Variants in SLC25A1 observed in about 807,000 individuals in gnomAD.
SLC25A1 encodes tricarboxylate transport protein, mitochondrial.
In SLC25A1, 26 loss-of-function variants were observed where a neutral mutation model predicts 38.1. The observed-to-expected ratio is 0.68, with a 90% CI of 0.50 to 0.95. The LOEUF (loss-of-function observed/expected upper bound fraction) is 0.95, where lower values mean the gene tolerates loss of function less well. SLC25A1 is among the 40% of genes least tolerant of loss of function. The pLI is 0.00. For missense variants in SLC25A1, 378 were observed against 426.6 expected (o/e 0.89, Z 1.00); for synonymous variants, 211 against 183.2 (o/e 1.15, Z -1.23).
Position 19,176,694 on chromosome 22 carries a change from C to T in SLC25A1, c.632-1G>A, listed in dbSNP as rs2083966197. The T allele has an allele frequency of 1.2e-6, 2 of 1,613,296 alleles. No homozygotes were observed. The highest frequency in any genetic ancestry group is 8.5e-7 in the Non-Finnish European group (1 of 1,179,514). On this transcript the variant is annotated splice_acceptor_variant, in intron 6 of 8. Transcript: ENST00000215882. LOFTEE classifies it high-confidence loss of function. ...TTCATGGGCTTGTTGGGGTTGTCCC[C>T]TGGATATAGGAGGGGTGAGGTGGGT...
rs3213491 is a variant in SLC25A1, at chr22:19,177,322, A to C, written c.442-118T>G. ...AACTGGGAACTCTTCCCCAGGAAGC[A>C]GTGCAGCCAAGGCCGCCCTGGGCTG... is the stretch of plus-strand genomic sequence containing the variant. On this transcript the variant is annotated intron_variant, in intron 4 of 8. Coordinates refer to ENST00000215882, the MANE Select transcript of SLC25A1 (RefSeq NM_005984.5). 0.096 allele frequency: 79,351 copies of C among 830,676 alleles called. 8,519 individuals are homozygous for C. Among genetic ancestry groups the C allele is most frequent in the East Asian group, 0.46 (17,333 of 37,330 alleles). 51.5% of individuals were successfully genotyped at this position (830,676 alleles called of 1,614,324 possible).
rs781789414 is a variant in SLC25A1 at position 19,177,968 on chromosome 22, G to A, written c.276C>T (p.Tyr92=). 6.2e-7 allele frequency: 1 copy of A among 1,603,886 alleles called. No homozygotes were observed. The highest frequency in any genetic ancestry group is 8.5e-7 in the Non-Finnish European group (1 of 1,176,990). ...GLYRGLSSLL[Y]GSIPKAAVRF... ...TGACGGCCGCCTTGGGGATGGAACC[G>A]TAGAGCAGGGAGCTAAGGCCGCGGT... is the stretch of plus-strand genomic sequence containing the variant. Residue 92 remains tyrosine, a synonymous_variant, in exon 3 of 9, where the codon TAC becomes TAT. Coordinates refer to ENST00000215882, the MANE Select transcript of SLC25A1 (RefSeq NM_005984.5).
In SLC25A1 at chr22:19,178,623, G is replaced by C. The variant is rs1261186846; in HGVS notation, c.51C>G (p.Ser17=). ...PRALAAAAPA[S]GKAKLTHPGK... ...CCGGGTGCGTCAGCTTGGCCTTCCCGGACGCGGGCGCGGCGGCCGCCAGAG... is the reference window on the plus strand; with the variant it reads ...CCGGGTGCGTCAGCTTGGCCTTCCCCGACGCGGGCGCGGCGGCCGCCAGAG... The change falls in exon 1 of 9, where the codon TCC becomes TCG. Residue 17 remains serine, a synonymous_variant. Transcript: ENST00000215882. The surrounding 1 kb of genome is among the most constrained non-coding windows in gnomAD (Gnocchi z 4.9). The C allele has an allele frequency of 8.3e-7, 1 of 1,197,828 alleles. No homozygotes were observed. Among genetic ancestry groups the C allele is most frequent in the Admixed American group, 4.5e-5 (1 of 22,398 alleles). 74.2% of individuals were successfully genotyped at this position (1,197,828 alleles called of 1,614,324 possible). A position where few individuals can be genotyped will look rare whatever the true frequency, so the allele number is the denominator to read the frequency against.
chr22:19,177,108 C>G lies in SLC25A1; in HGVS notation c.526+12G>C, dbSNP rs781949087. 2 of 1,613,346 alleles carry G rather than the reference C, an allele frequency of 1.2e-6. No individual in the cohort carries two copies. Among genetic ancestry groups the G allele is most frequent in the African/African-American group, 2.7e-5 (2 of 75,036 alleles). On this transcript the variant is annotated intron_variant, in intron 5 of 8. Coordinates refer to ENST00000215882, the MANE Select transcript of SLC25A1 (RefSeq NM_005984.5). ...GGTCCCTGAGCCCTATCAGGAAGGT[C>G]GAGTGGCTCACCTTGTTCCCGCACA... is the stretch of plus-strand genomic sequence containing the variant.
intron 8 of SLC25A1, 77 bp downstream of exon 8, chr22:19,176,344 G>T: frequency 1.9e-6 from 3 of 1,564,906 alleles, no homozygotes; most frequent in Non-Finnish European, 2.6e-6. Context: ...GAGGCCTGAA[G>T]GGGACAGAGT....
At position 19,178,490 on chromosome 22, in the gene SLC25A1, G is replaced by T; in HGVS notation, c.94+90C>A. On this transcript the variant is annotated intron_variant, in intron 1 of 8. Transcript: ENST00000215882. The surrounding 1 kb of genome is among the most constrained non-coding windows in gnomAD (Gnocchi z 4.9). ...GCGCCTCCACGACTCCCCAGCCCAC[G>T]GCCCAACCCGGAAGTGGGGCGGGGC... 1 of 1,329,572 alleles carries T rather than the reference G, an allele frequency of 7.5e-7. No individual in the cohort carries two copies. 82.4% of individuals were successfully genotyped at this position (1,329,572 alleles called of 1,614,324 possible). A position where few individuals can be genotyped will look rare whatever the true frequency, so the allele number is the denominator to read the frequency against.
At position 19,176,898 on chromosome 22, in the gene SLC25A1, C is replaced by G. The variant is rs782807625; in HGVS notation, c.579G>C (p.Ser193=). The change falls in exon 6 of 9, where the codon TCG becomes TCC. Residue 193 remains serine (S), a synonymous_variant. Transcript: ENST00000215882. ...TGACGAAGAAGCGGATGGCCTGGTT[C>G]GAGCCCTGCTTCAGGACAGTGGCTG... ...GLTATVLKQG[S]NQAIRFFVMT... is the part of the protein sequence containing the mutation. 2 of 1,613,778 alleles carry G rather than the reference C, an allele frequency of 1.2e-6. No individual in the cohort carries two copies. Among genetic ancestry groups the G allele is most frequent in the African/African-American group, 2.7e-5 (2 of 75,022 alleles).
At position 19,178,224 on chromosome 22, in the gene SLC25A1, G is replaced by A; in HGVS notation, c.111C>T (p.Gly37=). The A allele has an allele frequency of 4.5e-6, 7 of 1,548,964 alleles. No homozygotes were observed. Among genetic ancestry groups the A allele is most frequent in the Non-Finnish European group, 6.1e-6 (7 of 1,147,134 alleles). The change falls in exon 2 of 9, where the codon GGC becomes GGT. Residue 37 remains glycine (G), a synonymous_variant. Transcript: ENST00000215882. This position sits in a 1 kb window ranked among gnomAD's most constrained non-coding sequence, Gnocchi z 4.9. The part of the protein sequence containing the change: ...KAILAGGLAG[G]IEICITFPTE... Reference sequence around the variant, plus strand: ...TGGGGAAGGTGATGCAGATCTCGATGCCACCCGCCAGGCCGCCTGCAGGGA... The same window carrying A: ...TGGGGAAGGTGATGCAGATCTCGATACCACCCGCCAGGCCGCCTGCAGGGA...
rs1555922950 is a variant in SLC25A1 at position 19,177,772 on chromosome 22, G to A, written c.396C>T (p.Gly132=). The A allele has an allele frequency of 8.1e-6, 13 of 1,609,986 alleles. No homozygotes were observed. In the East Asian group the frequency reaches 1.1e-4, roughly 14 times the overall value. The part of the protein sequence containing the change: ...TRGLLCGLGA[G]VAEAVVVVCP... ...ACACGACCACCACGGCCTCGGCCAC[G>A]CCAGCGCCCAGGCCGCACAGCAGCC... Residue 132 remains glycine (G), a synonymous_variant, in exon 4 of 9, where the codon GGC becomes GGT. Transcript: ENST00000215882.
Position 19,177,922 on chromosome 22 carries a change from A to G in SLC25A1, c.302+20T>C, listed in dbSNP as rs781808930. 41 of 1,586,934 alleles carry G rather than the reference A, an allele frequency of 2.6e-5. No individual in the cohort carries two copies. The Admixed American group carries it at 3.1e-4, about 12-fold the overall frequency. ...CGCGGCCGAGCCCCCCTCCCGCAGC[A>G]GCCACCGGCCGGGCCTCACCTGACG... On this transcript the variant is annotated intron_variant, in intron 3 of 8. Transcript: ENST00000215882.
chr22:19,178,727 C>A lies in SLC25A1; in HGVS notation c.-54G>T. ...CGGCTTCGGGTCCGAGACTCCAGAACTCCGCGCTCGGTCCGCGGTGGCGGC... is the reference window on the plus strand; with the variant it reads ...CGGCTTCGGGTCCGAGACTCCAGAAATCCGCGCTCGGTCCGCGGTGGCGGC... On this transcript the variant is annotated 5_prime_UTR_variant, in exon 1 of 9. Transcript: ENST00000215882. The surrounding 1 kb of genome is among the most constrained non-coding windows in gnomAD (Gnocchi z 4.9). The A allele has an allele frequency of 2.3e-6, 2 of 877,444 alleles. No homozygotes were observed. Among genetic ancestry groups the A allele is most frequent in the Non-Finnish European group, 2.8e-6 (2 of 711,028 alleles). 54.4% of individuals were successfully genotyped at this position (877,444 alleles called of 1,614,324 possible).
chr22:19,177,415 CCT>C (rs1555922712), intron 4 of SLC25A1, among the ~76,000 whole-genome samples: 1 of 152,134 alleles, frequency 6.6e-6, no homozygotes, highest in Non-Finnish European at 1.5e-5. Context: ...ACAGGGCAGC[CCT>C]GTGAGCAGCC....
chr22:19,177,787 G>T lies in SLC25A1; in HGVS notation c.381C>A (p.Cys127Ter). The change falls in exon 4 of 9, where the codon TGC becomes TGA. Residue 127 changes from cysteine to a stop codon, truncating the protein, a stop_gained. Coordinates refer to ENST00000215882, the MANE Select transcript of SLC25A1 (RefSeq NM_005984.5). LOFTEE classifies it high-confidence loss of function. ...CCTCGGCCACGCCAGCGCCCAGGCC[G>T]CACAGCAGCCCACGCGTGCTGTCCA... is the stretch of plus-strand genomic sequence containing the variant. ...GRLDSTRGLLCGLGAGVAEAV... is the reference protein window; with the variant it reads ...GRLDSTRGLL 6.2e-7 allele frequency: 1 copy of T among 1,610,514 alleles called. No homozygotes were observed.
In SLC25A1 at chr22:19,178,646, G is replaced by C. The variant is rs2084013227; in HGVS notation, c.28C>G (p.Leu10Val). The change falls in exon 1 of 9, where the codon CTG becomes GTG. Residue 10 changes from leucine (L) to valine (V), a missense_variant. Coordinates refer to ENST00000215882, the MANE Select transcript of SLC25A1 (RefSeq NM_005984.5). The surrounding 1 kb of genome is among the most constrained non-coding windows in gnomAD (Gnocchi z 4.9). The stretch of plus-strand genomic sequence containing the variant: ...CCGGACGCGGGCGCGGCGGCCGCCA[G>C]AGCGCGCGGGGCGCGGGGCGCGGGC... MPAPRAPRA[L>V]AAAAPASGKA... is the part of the protein sequence containing the mutation. 1 of 1,179,978 alleles carries C rather than the reference G, an allele frequency of 8.5e-7. No homozygotes were observed. The highest frequency in any genetic ancestry group is 1.0e-6 in the Non-Finnish European group (1 of 954,790). 73.1% of individuals were successfully genotyped at this position (1,179,978 alleles called of 1,614,324 possible).
chr22:19,178,325 G>A lies in SLC25A1; in HGVS notation c.95-85C>T, dbSNP rs575301729. Reference sequence around the variant, plus strand: ...TCCCCCGTCCCGGACTTCGGTCGGCGCGGCCGCCGCGCCAGTGCCGCGGGG... The same window carrying A: ...TCCCCCGTCCCGGACTTCGGTCGGCACGGCCGCCGCGCCAGTGCCGCGGGG... On this transcript the variant is annotated intron_variant, in intron 1 of 8. Coordinates refer to ENST00000215882, the MANE Select transcript of SLC25A1 (RefSeq NM_005984.5). The surrounding 1 kb of genome is among the most constrained non-coding windows in gnomAD (Gnocchi z 4.9). The A allele has an allele frequency of 1.2e-4, 181 of 1,519,992 alleles. No individual in the cohort carries two copies. In the African/African-American group the frequency reaches 2.2e-3, roughly 19 times the overall value. The allele number at this position is 1,519,992 out of a possible 1,614,324, so 94.2% of individuals were successfully genotyped here.
rs1555923316 is a variant in SLC25A1, at chr22:19,178,203, G to A, written c.132C>T (p.Phe44=). 3 of 1,553,824 alleles carry A rather than the reference G, an allele frequency of 1.9e-6. No homozygotes were observed. Among genetic ancestry groups the A allele is most frequent in the Admixed American group, 1.9e-5 (1 of 51,642 alleles). The part of the protein sequence containing the change: ...LAGGIEICIT[F]PTEYVKTQLQ... ...GCTGCGTCTTCACGTACTCGGTGGG[G>A]AAGGTGATGCAGATCTCGATGCCAC... The change falls in exon 2 of 9, where the codon TTC becomes TTT. Residue 44 remains phenylalanine (F), a synonymous_variant. Transcript: ENST00000215882. This position sits in a 1 kb window ranked among gnomAD's most constrained non-coding sequence, Gnocchi z 4.9.
rs200804991 is a variant in SLC25A1 at position 19,176,673 on chromosome 22, T to C, written c.652A>G (p.Met218Val). The change falls in exon 7 of 9, where the codon ATG becomes GTG. Residue 218 changes from methionine (M) to valine (V), a missense_variant. Transcript: ENST00000215882. ...AAGACCCCAGTGATCAGAGGGTTCA[T>C]GGGCTTGTTGGGGTTGTCCCCTGGA... The part of the protein sequence containing the change: ...WYRGDNPNKP[M>V]NPLITGVFGA... The C allele has an allele frequency of 3.7e-6, 6 of 1,613,806 alleles. No homozygotes were observed. The Admixed American group carries it at 5.0e-5, about 13-fold the overall frequency.
chr22:19,176,159 G>C lies in SLC25A1; in HGVS notation c.907C>G (p.Leu303Val), dbSNP rs782640181. Residue 303 changes from leucine to valine, a missense_variant, in exon 9 of 9, where the codon CTG becomes GTG. By Grantham distance (32) the Leu-to-Val change is conservative. Coordinates refer to ENST00000215882, the MANE Select transcript of SLC25A1 (RefSeq NM_005984.5). ...TCCGTCTTCCACACTTTGTTGAGCA[G>C]CTTCACCACTTCATCATAGATGACA... is the stretch of plus-strand genomic sequence containing the variant. ...VFVIYDEVVK[L>V]LNKVWKTD 1 of 1,613,964 alleles carries C rather than the reference G, an allele frequency of 6.2e-7. No individual in the cohort carries two copies. The highest frequency in any genetic ancestry group is 1.7e-5 in the Admixed American group (1 of 60,026).
Position 19,176,441 on chromosome 22 carries a change from C to T in SLC25A1, c.801G>A (p.Leu267=). The T allele has an allele frequency of 6.2e-7, 1 of 1,613,778 alleles. No homozygotes were observed. Among genetic ancestry groups the T allele is most frequent in the Non-Finnish European group, 8.5e-7 (1 of 1,179,998 alleles). ...RNTWDCGLQI[L]KKEGLKAFYK... is the part of the protein sequence containing the mutation. The stretch of plus-strand genomic sequence containing the variant: ...CTCACGCCTTGAGCCCCTCCTTCTT[C>T]AGGATCTGCAAGCCGCAGTCCCACG... The change falls in exon 8 of 9, where the codon CTG becomes CTA. Residue 267 remains leucine, a synonymous_variant. Coordinates refer to ENST00000215882, the MANE Select transcript of SLC25A1 (RefSeq NM_005984.5).
Sources: gnomAD v4.1 joint callset for allele counts (sites outside exome capture counted in the v4.1 genomes callset) on GRCh38, gnomAD v4.1.1 for gene constraint, Gnocchi (gnomAD v3.1) non-coding constraint, MANE v1.5 for transcripts, NCBI Gene and HGNC (gene_info 2026-07-23, HGNC 2026-07-21) for gene names.